Variants in SREBF1 observed in about 807,000 individuals in gnomAD.
The protein encoded by SREBF1 is sterol regulatory element-binding protein 1.
Under a neutral mutation model 100.1 loss-of-function variants are expected in SREBF1, and 45 were observed. The observed-to-expected ratio is 0.45, with a 90% CI of 0.35 to 0.58. The LOEUF (loss-of-function observed/expected upper bound fraction) is 0.58. Among genes scored for constraint, SREBF1 ranks in the 20% least tolerant of loss-of-function variants. The pLI is 0.00. For missense variants in SREBF1, 1,324 were observed against 1,539.4 expected (o/e 0.86, Z 2.34); for synonymous variants, 657 against 681.8 (o/e 0.96, Z 0.57).
At chr17:17,830,504 G>A (rs547777848) in intron 1 of SREBF1, among the ~76,000 whole-genome samples, 1 of 152,382 alleles carries the variant, frequency 6.6e-6, no homozygotes, top group South Asian at 2.1e-4. Context: ...TCATACAGTA[G>A]GGCTGCTTGT....
Position 17,816,467 on chromosome 17 carries a change from C to G in SREBF1, c.2037G>C (p.Leu679=), listed in dbSNP as rs746289067. ...CACGCTCAGTCCTACCCATGGTGTG[C>G]AGCTGGTGCAGCTTATGGTAGACCA... ...AALVYHKLHQ[L]HTMGKHTGGH... is the part of the protein sequence containing the mutation. The change falls in exon 10 of 19, where the codon CTG becomes CTC. Residue 679 remains leucine, a synonymous_variant. Transcript: ENST00000261646. The G allele has an allele frequency of 6.2e-7, 1 of 1,605,694 alleles. No homozygotes were observed.
At chr17:17,836,615 G>T in intron 1 of SREBF1, 112 bp downstream of exon 1, 2 of 1,093,634 alleles carry the variant, frequency 1.8e-6, no homozygotes, top group South Asian at 1.4e-5. Flanking sequence ...AGTCCCGCGC[G>T]AGCACAGCAC....
rs375078029 is a variant in SREBF1, at chr17:17,811,541, G to A, written c.*1081C>T. 3.2e-6 allele frequency: 1 copy of A among 312,346 alleles called. No homozygotes were observed. Among genetic ancestry groups the A allele is most frequent in the African/African-American group, 2.3e-5 (1 of 42,684 alleles). 19.3% of individuals were successfully genotyped at this position (312,346 alleles called of 1,614,324 possible). ...ATGGGAATGAAGGGAGGGGCTGGGG[G>A]GGGGGGCATGAATGGAGTCAGGGAG... On this transcript the variant is annotated 3_prime_UTR_variant, in exon 19 of 19. Coordinates refer to ENST00000261646, the MANE Select transcript of SREBF1 (RefSeq NM_004176.5).
Position 17,817,302 on chromosome 17 carries a change from G to A in SREBF1, c.1560C>T (p.Ser520=), listed in dbSNP as rs1300930104. The A allele has an allele frequency of 5.0e-6, 8 of 1,607,224 alleles. No individual in the cohort carries two copies. The highest frequency in any genetic ancestry group is 2.2e-5 in the East Asian group (1 of 44,668). The change falls in exon 8 of 19, where the codon AGC becomes AGT. Residue 520 remains serine (S), a synonymous_variant. Transcript: ENST00000261646. The surrounding 1 kb of genome is among the most constrained non-coding windows in gnomAD (Gnocchi z 6.6). The part of the protein sequence containing the change: ...RGLPSPSDTT[S]VYHSPGRNVL... The stretch of plus-strand genomic sequence containing the variant: ...CGTTGCGCCCAGGGCTATGGTAGAC[G>A]CTGGTGGTATCTGAGGGGCTGGGAA...
In SREBF1 at chr17:17,815,442, C is replaced by G. The variant is rs544476184; in HGVS notation, c.2384-113G>C. On this transcript the variant is annotated intron_variant, in intron 12 of 18. Transcript: ENST00000261646. ...CACACCTAGGGCCACTGGGAAGTGC[C>G]GGCATGCCCCTGGGTGCAGCCCCTG... 3.6e-6 allele frequency: 3 copies of G among 828,384 alleles called. No individual in the cohort carries two copies. The South Asian group carries it at 4.6e-5, about 13-fold the overall frequency. The allele number at this position is 828,384 out of a possible 1,614,324, so 51.3% of individuals were successfully genotyped here. A position where few individuals can be genotyped will look rare whatever the true frequency, so the allele number is the denominator to read the frequency against.
chr17:17,812,151 G>GAAAA lies in SREBF1; in HGVS notation c.*470_*471insTTTT. On this transcript the variant is annotated 3_prime_UTR_variant, in exon 19 of 19. Coordinates refer to ENST00000261646, the MANE Select transcript of SREBF1 (RefSeq NM_004176.5). ...GAAAATAAAGTTTGCAAAAGGCAAA[G>GAAAA]TAGCACAGGAGCCTCAGGTCAGGAG... 1 of 430,874 alleles carries GAAAA rather than the reference G, an allele frequency of 2.3e-6. No individual in the cohort carries two copies. The highest frequency in any genetic ancestry group is 1.7e-5 in the South Asian group (1 of 58,442). The allele number at this position is 430,874 out of a possible 1,614,324, so 26.7% of individuals were successfully genotyped here.
intron 1 of SREBF1, among the ~76,000 whole-genome samples, chr17:17,834,342 C>T (rs913266604): frequency 1.3e-5 from 2 of 152,206 alleles, no homozygotes; most frequent in Non-Finnish European, 2.9e-5. Flanking sequence ...CCTCTTGCTT[C>T]GACCTCCCAA....
At chr17:17,823,388 A>G in intron 1 of SREBF1, 1 of 774,780 alleles carries the variant, frequency 1.3e-6, no homozygotes, top group Non-Finnish European at 2.3e-6. Context: ...GGTAACTGTC[A>G]CACCTTCTCC....
In SREBF1 at chr17:17,816,196, A is replaced by AACCCCCCC. The variant is rs1555570224; in HGVS notation, c.2214+10_2214+11insGGGGGGGT. 3.7e-6 allele frequency: 4 copies of AACCCCCCC among 1,076,992 alleles called. No homozygotes were observed. Among genetic ancestry groups the AACCCCCCC allele is most frequent in the Non-Finnish European group, 4.8e-6 (4 of 839,630 alleles). The allele number at this position is 1,076,992 out of a possible 1,614,324, so 66.7% of individuals were successfully genotyped here. A position where few individuals can be genotyped will look rare whatever the true frequency, so the allele number is the denominator to read the frequency against. On this transcript the variant is annotated intron_variant, in intron 11 of 18. Transcript: ENST00000261646. ...TGCAGGGATAAGCCCCCAGCCCCCCAACCCACTCACTGTCAGAAAATGCAA... is the reference window on the plus strand; with the variant it reads ...TGCAGGGATAAGCCCCCAGCCCCCCAACCCCCCCACCCACTCACTGTCAGAAAATGCAA...
chr17:17,815,295 C>A lies in SREBF1; in HGVS notation c.2418G>T (p.Arg806=), dbSNP rs1372262565. 1 of 1,613,538 alleles carries A rather than the reference C, an allele frequency of 6.2e-7. No homozygotes were observed. Among genetic ancestry groups the A allele is most frequent in the Non-Finnish European group, 8.5e-7 (1 of 1,179,996 alleles). The change falls in exon 13 of 19, where the codon CGG becomes CGT. Residue 806 remains arginine (R), a synonymous_variant. Coordinates refer to ENST00000261646, the MANE Select transcript of SREBF1 (RefSeq NM_004176.5). Reference sequence around the variant, plus strand: ...TCAGTGCTCGCTCTAAGAGATGTTCCCGGAATAGCTGAGTCACCTGGGCCA... The same window carrying A: ...TCAGTGCTCGCTCTAAGAGATGTTCACGGAATAGCTGAGTCACCTGGGCCA... The part of the protein sequence containing the change: ...DPLAQVTQLF[R]EHLLERALNC...
chr17:17,828,190 T>C (rs1418736988), intron 1 of SREBF1, among the ~76,000 whole-genome samples: 1 of 152,230 alleles, frequency 6.6e-6, no homozygotes, highest in Non-Finnish European at 1.5e-5. Flanking sequence ...TCCCTTTCCC[T>C]GCCTGCTTTC....
At chr17:17,823,646 T>A (rs202244145) in intron 1 of SREBF1, 3 of 1,530,386 alleles carry the variant, frequency 2.0e-6, no homozygotes, top group East Asian at 4.7e-5. Context: ...CGTTGAGCGC[T>A]GCGGCGCGCC....
chr17:17,827,508 G>A (rs933544021), intron 1 of SREBF1, among the ~76,000 whole-genome samples: 1 of 152,210 alleles, frequency 6.6e-6, no homozygotes, highest in Non-Finnish European at 1.5e-5. Flanking sequence ...CCTCCTAACT[G>A]GAGTCGGCGG....
Position 17,815,705 on chromosome 17 carries a change from C to T in SREBF1, c.2383+155G>A. 17 of 788,684 alleles carry T rather than the reference C, an allele frequency of 2.2e-5. No homozygotes were observed. The South Asian group carries it at 2.7e-4, about 13-fold the overall frequency. The allele number at this position is 788,684 out of a possible 1,614,324, so 48.9% of individuals were successfully genotyped here. A position where few individuals can be genotyped will look rare whatever the true frequency, so the allele number is the denominator to read the frequency against. On this transcript the variant is annotated intron_variant, in intron 12 of 18. Coordinates refer to ENST00000261646, the MANE Select transcript of SREBF1 (RefSeq NM_004176.5). ...AGCCCCAATGGGAACGAGAGGCACC[C>T]AGGCCTTTCCCTTCCTGCAACCCCC...
Position 17,815,939 on chromosome 17 carries a change from G to A in SREBF1, c.2304C>T (p.Gly768=), listed in dbSNP as rs540786408. The A allele has an allele frequency of 2.1e-5, 34 of 1,612,918 alleles. No individual in the cohort carries two copies. The East Asian group carries it at 7.4e-4, about 35-fold the overall frequency. ...PAMQWLCHPV[G]HRFFVDGDWS... ...AGTCCCCATCCACGAAGAAACGGTGGCCCACGGGGTGGCAGAGCCACTGCA... is the reference window on the plus strand; with the variant it reads ...AGTCCCCATCCACGAAGAAACGGTGACCCACGGGGTGGCAGAGCCACTGCA... The change falls in exon 12 of 19, where the codon GGC becomes GGT. Residue 768 remains glycine (G), a synonymous_variant. Coordinates refer to ENST00000261646, the MANE Select transcript of SREBF1 (RefSeq NM_004176.5).
Position 17,812,645 on chromosome 17 carries a change from C to CA in SREBF1, c.3420dup (p.Gly1141TrpfsTer35), listed in dbSNP as rs568917551. 8.6e-5 allele frequency: 138 copies of CA among 1,607,220 alleles called. 3 individuals carry two copies. The South Asian group carries it at 1.5e-3, about 17-fold the overall frequency. On this transcript the variant is annotated frameshift_variant, in exon 19 of 19. Coordinates refer to ENST00000261646, the MANE Select transcript of SREBF1 (RefSeq NM_004176.5). LOFTEE classifies it high-confidence loss of function. ...GTCTAGCTGGAAGTGACAGTGGTCCCACCGCCCAGGCGCATGAGCATCTGC... is the reference window on the plus strand; with the variant it reads ...GTCTAGCTGGAAGTGACAGTGGTCCCAACCGCCCAGGCGCATGAGCATCTGC...
At position 17,819,099 on chromosome 17, in the gene SREBF1, G is replaced by A; in HGVS notation, c.982C>T (p.His328Tyr). 1 of 1,614,114 alleles carries A rather than the reference G, an allele frequency of 6.2e-7. No homozygotes were observed. Among genetic ancestry groups the A allele is most frequent in the Non-Finnish European group, 8.5e-7 (1 of 1,180,040 alleles). The change falls in exon 5 of 19, where the codon CAC becomes TAC. Residue 328 changes from histidine (H) to tyrosine (Y), a missense_variant. Coordinates refer to ENST00000261646, the MANE Select transcript of SREBF1 (RefSeq NM_004176.5). ...CGGTAGCGCTTCTCAATGGCGTTGT[G>A]GGCTGTGCGCTTCTCTCCACGGCTC... is the stretch of plus-strand genomic sequence containing the variant. Reference protein sequence around the residue: ...AQSRGEKRTAHNAIEKRYRSS... With the variant: ...AQSRGEKRTAYNAIEKRYRSS...
At chr17:17,827,385 C>T (rs533795120) in intron 1 of SREBF1, among the ~76,000 whole-genome samples, 2 of 152,208 alleles carry the variant, frequency 1.3e-5, no homozygotes, top group Non-Finnish European at 2.9e-5. Flanking sequence ...CCAGAGCACA[C>T]CCTCTCGGCC....
In SREBF1 at chr17:17,813,574, G is replaced by A. The variant is rs781755403; in HGVS notation, c.3097C>T (p.Arg1033Trp). Residue 1033 changes from arginine (R) to tryptophan (W), a missense_variant, in exon 17 of 19, where the codon CGG becomes TGG. Transcript: ENST00000261646. ...CAGGGCCATCGGGCACTCACCCTCC[G>A]CATGGCGGGCCGGAAGCTCTGTGCC... ...RLAQSFRPAM[R>W]RVFLHEATAR... 2.8e-5 allele frequency: 44 copies of A among 1,595,610 alleles called. No individual in the cohort carries two copies. Among genetic ancestry groups the A allele is most frequent in the Middle Eastern group, 1.6e-4 (1 of 6,070 alleles).
Sources: gnomAD v4.1 joint callset for allele counts (sites outside exome capture counted in the v4.1 genomes callset) on GRCh38, gnomAD v4.1.1 for gene constraint, Gnocchi (gnomAD v3.1) non-coding constraint, MANE v1.5 for transcripts, NCBI Gene and HGNC (gene_info 2026-07-23, HGNC 2026-07-21) for gene names.